The following CHL1 variants were observed in gnomAD, a reference collection of about 807,000 sequenced individuals.
CHL1 encodes the protein neural cell adhesion molecule L1-like protein.
In CHL1, 96 loss-of-function variants were observed where a neutral mutation model predicts 141.9. That is an observed-to-expected ratio of 0.68 (90% CI 0.57 to 0.80). The LOEUF (loss-of-function observed/expected upper bound fraction) is 0.80, where lower values mean the gene tolerates loss of function less well. CHL1 is among the 30% of genes least tolerant of loss of function. The pLI is 0.00. For missense variants in CHL1, 1,820 were observed against 1,457.2 expected (o/e 1.25, Z -4.05); for synonymous variants, 613 against 502.2 (o/e 1.22, Z -2.95).
chr3:389,327 G>C lies in CHL1; in HGVS notation c.2323G>C (p.Glu775Gln), dbSNP rs1162336972. ...VTWKPQGAPV[E>Q]WEEETVTNHT... The stretch of plus-strand genomic sequence containing the variant: ...CTGGAAGCCACAGGGAGCCCCAGTG[G>C]AGTGGGAAGAAGAAACAGTCACAAA... Residue 775 changes from glutamate (E) to glutamine (Q), a missense_variant, in exon 20 of 28, where the codon GAG becomes CAG. Glu to Gln is a conservative substitution (Grantham distance 29). Transcript: ENST00000256509. 2.5e-6 allele frequency: 4 copies of C among 1,614,186 alleles called. No homozygotes were observed. The highest frequency in any genetic ancestry group is 2.5e-6 in the Non-Finnish European group (3 of 1,180,034).
chr3:207,352 T>G (rs1474385185), intron 1 of CHL1, among the ~76,000 whole-genome samples: 1 of 152,234 alleles, frequency 6.6e-6, no homozygotes, highest in Non-Finnish European at 1.5e-5. Flanking sequence ...AAGCTTTTGT[T>G]TGACCCATAC....
At chr3:272,765 C>A (rs2125252074) in intron 2 of CHL1, among the ~76,000 whole-genome samples, 1 of 152,320 alleles carries the variant, frequency 6.6e-6, no homozygotes, top group East Asian at 1.9e-4. Context: ...TTGGCACTTG[C>A]TCCCAAATGG....
At chr3:200,868 A>G (rs1244778955) in intron 1 of CHL1, among the ~76,000 whole-genome samples, 1 of 152,162 alleles carries the variant, frequency 6.6e-6, no homozygotes, top group Admixed American at 6.5e-5. Context: ...CTGAGGAAAG[A>G]TTGTATTTTC....
At chr3:271,506 A>AT (rs1695634579) in intron 2 of CHL1, among the ~76,000 whole-genome samples, 1 of 152,226 alleles carries the variant, frequency 6.6e-6, no homozygotes, top group African/African-American at 2.4e-5. Context: ...AGCTCTTATT[A>AT]TTTACTCATA....
At chr3:399,286 G>A in intron 26 of CHL1, 138 bp downstream of exon 26, 2 of 653,286 alleles carry the variant, frequency 3.1e-6, no homozygotes, top group Admixed American at 2.6e-5. Flanking sequence ...TGCACTGACA[G>A]GAAAAACGTA....
chr3:205,194 T>G (rs1699313134), intron 1 of CHL1, among the ~76,000 whole-genome samples: 1 of 149,538 alleles, frequency 6.7e-6, no homozygotes, highest in African/African-American at 2.5e-5. Context: ...CACTGCAACC[T>G]CGAACTCCTG....
At chr3:378,112 A>T (rs1275687817) in intron 16 of CHL1, among the ~76,000 whole-genome samples, 170 bp downstream of exon 16, 1 of 152,164 alleles carries the variant, frequency 6.6e-6, no homozygotes, top group Non-Finnish European at 1.5e-5. Flanking sequence ...CTTTTTTCAT[A>T]TAAAAGAAAT....
At chr3:373,367 A>T (rs552844127) in intron 15 of CHL1, among the ~76,000 whole-genome samples, 52 of 152,028 alleles carry the variant, frequency 3.4e-4, no homozygotes, top group African/African-American at 1.2e-3. Flanking sequence ...GTCAGGCCTG[A>T]AAAGGCACTC....
At chr3:221,574 CAGTT>C (rs1559291127) in intron 1 of CHL1, among the ~76,000 whole-genome samples, 2 of 152,166 alleles carry the variant, frequency 1.3e-5, no homozygotes, top group African/African-American at 4.8e-5. Flanking sequence ...AAAGTCAACC[CAGTT>C]AGTTCCTTAA....
In CHL1 at chr3:319,724, G is replaced by C. The variant is rs1700412193; in HGVS notation, c.-53G>C. On this transcript the variant is annotated 5_prime_UTR_variant, in exon 3 of 28. Coordinates refer to ENST00000256509, the MANE Select transcript of CHL1 (RefSeq NM_006614.4). ...GGTCTCAGCTGTAAACCAAAAGTGA[G>C]AGGAGACATTAAGATTTTCATTCTT... 1 of 1,185,978 alleles carries C rather than the reference G, an allele frequency of 8.4e-7. No individual in the cohort carries two copies. Among genetic ancestry groups the C allele is most frequent in the Non-Finnish European group, 1.2e-6 (1 of 803,114 alleles). 73.5% of individuals were successfully genotyped at this position (1,185,978 alleles called of 1,614,324 possible).
intron 2 of CHL1, among the ~76,000 whole-genome samples, chr3:286,207 T>A (rs1574961574): frequency 1.3e-5 from 2 of 152,152 alleles, no homozygotes; most frequent in African/African-American, 4.8e-5. Flanking sequence ...ACCCTTAATG[T>A]TTTTTGTTAT....
intron 2 of CHL1, among the ~76,000 whole-genome samples, chr3:266,512 G>A (rs1336160266): frequency 6.6e-6 from 1 of 152,130 alleles, no homozygotes; most frequent in Non-Finnish European, 1.5e-5. Flanking sequence ...CCTTTCCTGA[G>A]GTACAAGTTT....
intron 3 of CHL1, among the ~76,000 whole-genome samples, chr3:323,770 C>A (rs1467184777): frequency 6.6e-6 from 1 of 151,994 alleles, no homozygotes; most frequent in Admixed American, 6.6e-5. Flanking sequence ...AAGGCTGAGG[C>A]GGGAGGATTA....
rs1332426078 is a variant in CHL1 at position 391,726 on chromosome 3, C to A, written c.2843C>A (p.Ala948Asp). The change falls in exon 23 of 28, where the codon GCC becomes GAC. Residue 948 changes from alanine (A) to aspartate (D), a missense_variant. Coordinates refer to ENST00000256509, the MANE Select transcript of CHL1 (RefSeq NM_006614.4). Reference sequence around the variant, plus strand: ...GTCATCAAAGTTGATAAAGACACTGCCACTTTATCTTGGGGACTACCTAAG... The same window carrying A: ...GTCATCAAAGTTGATAAAGACACTGACACTTTATCTTGGGGACTACCTAAG... ...LKVIKVDKDT[A>D]TLSWGLPKKL... is the part of the protein sequence containing the mutation. 1.2e-6 allele frequency: 2 copies of A among 1,600,840 alleles called. No individual in the cohort carries two copies.
intron 6 of CHL1, among the ~76,000 whole-genome samples, chr3:341,266 A>C (rs1246997868): frequency 2.0e-5 from 3 of 152,270 alleles, no homozygotes; most frequent in African/African-American, 7.2e-5. Context: ...AGGTTTGCTG[A>C]CTCTGATCTG....
intron 1 of CHL1, among the ~76,000 whole-genome samples, chr3:198,485 C>A (rs1384645474): frequency 6.6e-6 from 1 of 152,182 alleles, no homozygotes; most frequent in African/African-American, 2.4e-5. Context: ...TCCAGCTCCA[C>A]CATCACTGTG....
intron 2 of CHL1, among the ~76,000 whole-genome samples, chr3:306,330 A>T (rs1023673399): frequency 6.6e-6 from 1 of 152,134 alleles, no homozygotes; most frequent in African/African-American, 2.4e-5. Flanking sequence ...GTTTGCTTTT[A>T]ATGATTTGTA....
intron 1 of CHL1, among the ~76,000 whole-genome samples, chr3:227,660 T>G (rs1701479741): frequency 1.3e-5 from 2 of 152,246 alleles, no homozygotes; most frequent in South Asian, 4.1e-4. Context: ...ATGTCAGCTT[T>G]CTTTATTACC....
At chr3:213,961 G>A (rs230821) in intron 1 of CHL1, among the ~76,000 whole-genome samples, 143,860 of 152,274 alleles carry the variant, frequency 0.94, 68,329 homozygotes, top group East Asian at 1. Context: ...TTATAAAACA[G>A]GAGCCCTCCC....
Sources: gnomAD v4.1 joint callset for allele counts (sites outside exome capture counted in the v4.1 genomes callset) on GRCh38, gnomAD v4.1.1 for gene constraint, MANE v1.5 for transcripts, NCBI Gene and HGNC (gene_info 2026-07-23, HGNC 2026-07-21) for gene names.